The following ASPM variants were observed in gnomAD, a reference collection of about 807,000 sequenced individuals.
ASPM encodes assembly factor for spindle microtubules, also known as abnormal spindle-like microcephaly-associated protein.
ASPM carries 256 observed loss-of-function variants against 366.4 expected under a neutral mutation model. The observed-to-expected ratio is 0.70, with a 90% CI of 0.63 to 0.77. The LOEUF (loss-of-function observed/expected upper bound fraction) is 0.77, where lower values mean the gene tolerates loss of function less well. Among genes scored for constraint, ASPM ranks in the 30% least tolerant of loss-of-function variants. ASPM has a pLI of 0.00. For synonymous variants in ASPM, 1,414 were observed against 1,342.9 expected (o/e 1.05, Z -1.16); for missense variants, 4,146 against 4,090.4 (o/e 1.01, Z -0.37).
intron 1 of ASPM, 133 bp downstream of exon 1, chr1:197,146,008 A>G: frequency 1.7e-6 from 2 of 1,163,764 alleles, no homozygotes. Context: ...TATTGAGTGA[A>G]AGGGAACTGA....
rs75268113 is a variant in ASPM, at chr1:197,088,112, T to A, written c.10161+144A>T. The A allele has an allele frequency of 5.2e-3, 4,067 of 786,164 alleles. 125 individuals carry two copies. The African/African-American group carries it at 0.064, about 12-fold the overall frequency. The allele number at this position is 786,164 out of a possible 1,614,324, so 48.7% of individuals were successfully genotyped here. On this transcript the variant is annotated intron_variant, in intron 26 of 27. Transcript: ENST00000367409. ...AAACAACTCATAGATACATCCTGAA[T>A]TCATTTTATCCGTGCAAAAAGCAGG...
intron 12 of ASPM, 146 bp from the exon 13 acceptor site, chr1:197,124,477 G>T: frequency 1.4e-6 from 1 of 689,984 alleles, no homozygotes; most frequent in Non-Finnish European, 2.4e-6. Flanking sequence ...AAAATAAAGT[G>T]CCTGAAATGG....
At position 197,129,932 on chromosome 1, in the gene ASPM, G is replaced by A. The variant is rs1433098788; in HGVS notation, c.2612C>T (p.Pro871Leu). 1.9e-6 allele frequency: 3 copies of A among 1,613,878 alleles called. No individual in the cohort carries two copies. The highest frequency in any genetic ancestry group is 1.1e-5 in the South Asian group (1 of 91,082). Residue 871 changes from proline to leucine, a missense_variant, in exon 8 of 28, where the codon CCT becomes CTT. Around this residue, in one of 3 missense-constraint regions of ASPM, gnomAD observed 3,624 missense variants for 3,591.7 expected, o/e 1.01. Coordinates refer to ENST00000367409, the MANE Select transcript of ASPM (RefSeq NM_018136.5). ...IAAEYRHPTV[P>L]HLYRDGHEEA... ...ATACTTACCATCTCTATACAGGTGA[G>A]GAACAGTGGGGTGTCTATACTCAGC...
intron 4 of ASPM, among the ~76,000 whole-genome samples, chr1:197,137,961 TC>T (rs1387623023): frequency 6.6e-6 from 1 of 152,108 alleles, no homozygotes; most frequent in East Asian, 1.9e-4. Context: ...CAAAATCCAA[TC>T]TTTTATCATA....
rs747442662 is a variant in ASPM, at chr1:197,143,428, G to A, written c.824C>T (p.Ala275Val). ...NVSKVSFNEKAVTETSFNSVN... is the reference protein window; with the variant it reads ...NVSKVSFNEKVVTETSFNSVN... ...GGAATTAAAGGAAGTTTCAGTTACAGCTTTCTCATTAAAAGAAACTTTTGA... is the reference window on the plus strand; with the variant it reads ...GGAATTAAAGGAAGTTTCAGTTACAACTTTCTCATTAAAAGAAACTTTTGA... Residue 275 changes from alanine to valine, a missense_variant, in exon 3 of 28, where the codon GCT becomes GTT. Ala to Val is a moderately conservative substitution (Grantham distance 64). Transcript: ENST00000367409. The A allele has an allele frequency of 6.2e-7, 1 of 1,613,998 alleles. No individual in the cohort carries two copies. Among genetic ancestry groups the A allele is most frequent in the Non-Finnish European group, 8.5e-7 (1 of 1,179,908 alleles).
intron 18 of ASPM, among the ~76,000 whole-genome samples, chr1:197,099,645 T>C (rs1275740683): frequency 6.6e-6 from 1 of 151,748 alleles, no homozygotes; most frequent in East Asian, 1.9e-4. Flanking sequence ...AAGTATATCT[T>C]ACTCATTGTC....
At chr1:197,111,909 G>A (rs1312721497) in intron 17 of ASPM, among the ~76,000 whole-genome samples, 1 of 152,158 alleles carries the variant, frequency 6.6e-6, no homozygotes, top group African/African-American at 2.4e-5. Flanking sequence ...ATACACTGTT[G>A]GTGGGAGTAT....
intron 5 of ASPM, 62 bp downstream of exon 5, chr1:197,135,034 G>A (rs904095963): frequency 2.0e-5 from 25 of 1,234,160 alleles, no homozygotes; most frequent in Middle Eastern, 2.5e-4. Flanking sequence ...AATGACAAAC[G>A]ATGTTAAAAA....
Position 197,089,959 on chromosome 1 carries a change from CAT to C in ASPM, c.9953_9954del (p.Tyr3318CysfsTer7). ...GATACATTAAGCAAGACTTGCACAGCATATCTGATGACTTCCATACAAGGAAT... is the reference window on the plus strand; with the variant it reads ...GATACATTAAGCAAGACTTGCACAGCATCTGATGACTTCCATACAAGGAAT... The part of the protein sequence containing the change: ...RSIPCMEVIR[Y>X]AVQVLLNVSK... On this transcript the variant is annotated frameshift_variant, in exon 25 of 28. Coordinates refer to ENST00000367409, the MANE Select transcript of ASPM (RefSeq NM_018136.5). LOFTEE classifies it high-confidence loss of function. 1.2e-6 allele frequency: 2 copies of C among 1,613,232 alleles called. No individual in the cohort carries two copies. The highest frequency in any genetic ancestry group is 1.7e-6 in the Non-Finnish European group (2 of 1,179,480).
At chr1:197,123,979 A>T in intron 13 of ASPM, 131 bp downstream of exon 13, 2 of 736,210 alleles carry the variant, frequency 2.7e-6, no homozygotes, top group South Asian at 3.6e-5. Flanking sequence ...ACATTCACTC[A>T]TTTGAGGGAA....
At chr1:197,114,929 A>G (rs1250625927) in intron 17 of ASPM, among the ~76,000 whole-genome samples, 1 of 152,052 alleles carries the variant, frequency 6.6e-6, no homozygotes, top group Non-Finnish European at 1.5e-5. Flanking sequence ...CTGTATTTTT[A>G]GTGGAGACAG....
At chr1:197,096,234 G>A in intron 18 of ASPM, 70 bp from the exon 19 acceptor site, 4 of 1,322,910 alleles carry the variant, frequency 3.0e-6, no homozygotes, top group Non-Finnish European at 3.2e-6. Context: ...AGACAAATCA[G>A]TATAAAGACA....
Position 197,100,834 on chromosome 1 carries a change from G to A in ASPM, c.8417C>T (p.Ser2806Leu). ...TTGAGAATGATACTCTGCTTCCTGT[G>A]AACAAGCAAGGCCAGAAGCTTTATA... ...EWYKASGLAC[S>L]QEAEYHSQSR... The change falls in exon 18 of 28, where the codon TCA (serine) becomes TTA (leucine). Residue 2806 changes from serine to leucine, a missense_variant. Ser to Leu is a moderately radical substitution (Grantham distance 145). Coordinates refer to ENST00000367409, the MANE Select transcript of ASPM (RefSeq NM_018136.5). 6.2e-7 allele frequency: 1 copy of A among 1,612,572 alleles called. No homozygotes were observed. Among genetic ancestry groups the A allele is most frequent in the Non-Finnish European group, 8.5e-7 (1 of 1,179,100 alleles).
intron 18 of ASPM, among the ~76,000 whole-genome samples, chr1:197,099,229 T>C (rs1657079799): frequency 6.6e-6 from 1 of 151,426 alleles, no homozygotes; most frequent in Non-Finnish European, 1.5e-5. Flanking sequence ...AGAGTAATTT[T>C]TTTTTTTTTT....
In ASPM at chr1:197,114,424, C is replaced by T. The variant is rs149753019; in HGVS notation, c.4065+3365G>A. ...GAAGTTTTACTGCATTGATTGACTCCTTATTCAGAAAAGATTGCTCCATAG... is the reference window on the plus strand; with the variant it reads ...GAAGTTTTACTGCATTGATTGACTCTTTATTCAGAAAAGATTGCTCCATAG... On this transcript the variant is annotated intron_variant, in intron 17 of 27. Coordinates refer to ENST00000367409, the MANE Select transcript of ASPM (RefSeq NM_018136.5). 3.7e-3 allele frequency among the ~76,000 whole-genome samples: 559 copies of T among 152,240 alleles called. 3 individuals carry two copies. The highest frequency in any genetic ancestry group is 0.013 in the African/African-American group (529 of 41,544).
At chr1:197,088,155 C>A (rs781045264) in intron 26 of ASPM, 101 bp downstream of exon 26, 76 of 1,311,720 alleles carry the variant, frequency 5.8e-5, no homozygotes, top group Non-Finnish European at 7.7e-5. Flanking sequence ...ACACATAAAA[C>A]CCTATTTTAG....
In ASPM at chr1:197,122,512, A is replaced by G; in HGVS notation, c.3474T>C (p.Phe1158=). The change falls in exon 14 of 28, where the codon TTT becomes TTC. Residue 1158 remains phenylalanine (F), a synonymous_variant. Coordinates refer to ENST00000367409, the MANE Select transcript of ASPM (RefSeq NM_018136.5). ...GAGTAGTACGCTGACATATAGCGTC[A>G]AATGGCACATAGCAAGGATGGTAAT... ...IHHYHPCYVP[F]DAICQRTTQT... is the part of the protein sequence containing the mutation. 6.2e-7 allele frequency: 1 copy of G among 1,613,610 alleles called. No individual in the cohort carries two copies. Among genetic ancestry groups the G allele is most frequent in the African/African-American group, 1.3e-5 (1 of 75,042 alleles).
chr1:197,124,138 T>C lies in ASPM; in HGVS notation c.3362A>G (p.Asn1121Ser). 1.2e-6 allele frequency: 2 copies of C among 1,612,402 alleles called. No individual in the cohort carries two copies. Among genetic ancestry groups the C allele is most frequent in the Non-Finnish European group, 1.7e-6 (2 of 1,178,990 alleles). Residue 1121 changes from asparagine to serine, a missense_variant, in exon 13 of 28, where the codon AAT becomes AGT. By Grantham distance (46) the Asn-to-Ser change is conservative. Coordinates refer to ENST00000367409, the MANE Select transcript of ASPM (RefSeq NM_018136.5). The stretch of plus-strand genomic sequence containing the variant: ...TTTATTATAGAAGGCACAAACAGCA[T>C]TTACCCAATCCATCAATAACTTTAT... ...ENIKLLMDWV[N>S]AVCAFYNKKV...
chr1:197,135,737 G>A lies in ASPM; in HGVS notation c.2027-495C>T, dbSNP rs115144694. Among the ~76,000 whole-genome samples the A allele has an allele frequency of 7.0e-3, 1,054 of 150,598 alleles. 10 individuals are homozygous for A. Among genetic ancestry groups the A allele is most frequent in the African/African-American group, 0.023 (957 of 40,908 alleles). On this transcript the variant is annotated intron_variant, in intron 4 of 27. Coordinates refer to ENST00000367409, the MANE Select transcript of ASPM (RefSeq NM_018136.5). The stretch of plus-strand genomic sequence containing the variant: ...TGGTAGTCCTGGGCAGATTGCTTGA[G>A]GCCAGGGGTTTGTAACCAGCCTGGG...
Sources: gnomAD v4.1 joint callset for allele counts (sites outside exome capture counted in the v4.1 genomes callset) on GRCh38, gnomAD v4.1.1 for gene constraint, gnomAD v4.1.1 regional missense constraint, MANE v1.5 for transcripts, NCBI Gene and HGNC (gene_info 2026-07-23, HGNC 2026-07-21) for gene names.